Variants in SEH1L observed in about 807,000 individuals in gnomAD.
SEH1L encodes nucleoporin SEH1.
Under a neutral mutation model 49.5 loss-of-function variants are expected in SEH1L, and 18 were observed. The ratio of observed to expected loss-of-function variants is 0.36; its 90% CI spans 0.25 to 0.54. The LOEUF (loss-of-function observed/expected upper bound fraction) is 0.54. SEH1L is among the 20% of genes least tolerant of loss of function. The pLI is 0.87. For synonymous variants in SEH1L, 169 were observed against 178.1 expected (o/e 0.95, Z 0.41); for missense variants, 404 against 528.8 (o/e 0.76, Z 2.31).
rs748334053 is a variant in SEH1L, at chr18:12,951,814, G to T, written c.112-41G>T. 57 of 1,255,618 alleles carry T rather than the reference G, an allele frequency of 4.5e-5. No homozygotes were observed. The Middle Eastern group carries it at 1.3e-3, about 29-fold the overall frequency. 77.8% of individuals were successfully genotyped at this position (1,255,618 alleles called of 1,614,324 possible). A position where few individuals can be genotyped will look rare whatever the true frequency, so the allele number is the denominator to read the frequency against. On this transcript the variant is annotated intron_variant, in intron 1 of 8. Transcript: ENST00000399892. ...CTTATAGTTTTTGTATCAATTTGTA[G>T]GAATTTTTGTATAAAATATCTGCCT...
chr18:12,950,882 A>C (rs988799662), intron 1 of SEH1L, among the ~76,000 whole-genome samples: 1 of 151,552 alleles, frequency 6.6e-6, no homozygotes, highest in Non-Finnish European at 1.5e-5. Flanking sequence ...TGCAGTGGCT[A>C]TTCACGGGCG....
intron 4 of SEH1L, among the ~76,000 whole-genome samples, chr18:12,970,427 T>C (rs2031647879): frequency 6.6e-6 from 1 of 152,212 alleles, no homozygotes; most frequent in African/African-American, 2.4e-5. Context: ...TCTTCTTCTT[T>C]TCTTTTTTTC....
At chr18:12,958,515 T>G (rs370692887) in intron 3 of SEH1L, among the ~76,000 whole-genome samples, 1 of 152,180 alleles carries the variant, frequency 6.6e-6, no homozygotes, top group African/African-American at 2.4e-5. Context: ...TTTTAAAGAA[T>G]GCCTCCCCCT....
rs113690982 is a variant in SEH1L at position 12,987,292 on chromosome 18, G to T, written c.*235G>T. The T allele has an allele frequency of 3.0e-6, 1 of 332,064 alleles. No homozygotes were observed. Among genetic ancestry groups the T allele is most frequent in the Non-Finnish European group, 5.5e-6 (1 of 182,412 alleles). 20.6% of individuals were successfully genotyped at this position (332,064 alleles called of 1,614,324 possible). A position where few individuals can be genotyped will look rare whatever the true frequency, so the allele number is the denominator to read the frequency against. On this transcript the variant is annotated 3_prime_UTR_variant, in exon 9 of 9. Transcript: ENST00000399892. The stretch of plus-strand genomic sequence containing the variant: ...ATGAAATGAGATATGTCCAAGTAAC[G>T]TTAACTGTGAAGTTACACACAGTAG...
In SEH1L at chr18:12,980,939, C is replaced by T. The variant is rs1368108093; in HGVS notation, c.762-1579C>T. Among the ~76,000 whole-genome samples the T allele has an allele frequency of 4.0e-5, 6 of 150,790 alleles. No homozygotes were observed. The East Asian group carries it at 8.0e-4, about 20-fold the overall frequency. On this transcript the variant is annotated intron_variant, in intron 6 of 8. Transcript: ENST00000399892. ...CGGGGGGCTGACCCCCACCTCCCTC[C>T]CGGACGGGGTGGCTGCCGGGCGGAG...
chr18:12,956,423 G>T (rs377723866), intron 3 of SEH1L, among the ~76,000 whole-genome samples: 12 of 147,862 alleles, frequency 8.1e-5, no homozygotes, highest in African/African-American at 2.8e-4. Flanking sequence ...CATGTCACAC[G>T]CCATACAGAT....
intron 1 of SEH1L, chr18:12,948,481 A>G (rs923071486): frequency 2.6e-5 from 9 of 347,320 alleles, no homozygotes; most frequent in Admixed American, 1.5e-4. Context: ...CCCGCAGGGT[A>G]CGCCGGGCCC....
intron 1 of SEH1L, among the ~76,000 whole-genome samples, chr18:12,951,171 T>C (rs1022402809): frequency 2.0e-5 from 3 of 152,224 alleles, no homozygotes; most frequent in Non-Finnish European, 4.4e-5. Context: ...ACGTTTCCCA[T>C]TGAGGTGAAA....
intron 1 of SEH1L, among the ~76,000 whole-genome samples, chr18:12,950,096 C>T (rs893910958): frequency 1.3e-5 from 2 of 150,976 alleles, no homozygotes; most frequent in African/African-American, 2.4e-5. Flanking sequence ...TGCAGTGGTG[C>T]GATCTTGGCT....
chr18:12,948,233 G>GTGCGCGCGGCGCT lies in SEH1L; in HGVS notation c.111+6_111+18dup, dbSNP rs1162034156. 3.1e-6 allele frequency: 5 copies of GTGCGCGCGGCGCT among 1,610,894 alleles called. No individual in the cohort carries two copies. Among genetic ancestry groups the GTGCGCGCGGCGCT allele is most frequent in the Non-Finnish European group, 4.2e-6 (5 of 1,178,570 alleles). On this transcript the variant is annotated splice_donor_variant, in intron 1 of 8. Transcript: ENST00000399892. LOFTEE classifies it high-confidence loss of function. ...CTGCTCCAGCGATCAGAGCGTTAAGGTGCGCGCGGCGCTTGCGGGCGGGGC... is the reference window on the plus strand; with the variant it reads ...CTGCTCCAGCGATCAGAGCGTTAAGGTGCGCGCGGCGCTTGCGCGCGGCGCTTGCGGGCGGGGC...
intron 4 of SEH1L, among the ~76,000 whole-genome samples, chr18:12,965,213 C>T (rs902658636): frequency 1.3e-5 from 2 of 151,892 alleles, no homozygotes; most frequent in Non-Finnish European, 2.9e-5. Flanking sequence ...GGGGTTTCAC[C>T]GTATTAGCCA....
chr18:12,974,612 T>G (rs2031841201), intron 5 of SEH1L: 1 of 152,176 alleles, frequency 6.6e-6, no homozygotes, highest in Non-Finnish European at 1.5e-5. Context: ...CACCATTTAG[T>G]AGACAGGAGA....
At chr18:12,974,988 T>C (rs750446094) in intron 5 of SEH1L, among the ~76,000 whole-genome samples, 29 of 148,970 alleles carry the variant, frequency 1.9e-4, no homozygotes, top group Non-Finnish European at 3.7e-4. Context: ...ATTATTTTTA[T>C]TTTTATTTTA....
At chr18:12,955,991 C>T (rs1352711148) in intron 3 of SEH1L, among the ~76,000 whole-genome samples, 1 of 151,538 alleles carries the variant, frequency 6.6e-6, no homozygotes, top group Admixed American at 6.6e-5. Flanking sequence ...AGCCACTGTG[C>T]CTAACTCTAA....
intron 3 of SEH1L, among the ~76,000 whole-genome samples, chr18:12,961,615 T>C (rs2031181139): frequency 6.6e-6 from 1 of 152,226 alleles, no homozygotes; most frequent in Admixed American, 6.5e-5. Context: ...TGAGACTCTT[T>C]AAGAAGGATT....
chr18:12,948,490 C>A, intron 1 of SEH1L: 1 of 329,452 alleles, frequency 3.0e-6, no homozygotes. Context: ...TACGCCGGGC[C>A]CTCTCCCAGG....
rs563050535 is a variant in SEH1L, at chr18:12,956,280, G to A, written c.309+671G>A. Among the ~76,000 whole-genome samples, 7 of 151,842 alleles carry A rather than the reference G, an allele frequency of 4.6e-5. No homozygotes were observed. In the East Asian group the frequency reaches 1.2e-3, roughly 25 times the overall value. On this transcript the variant is annotated intron_variant, in intron 3 of 8. Coordinates refer to ENST00000399892, the MANE Select transcript of SEH1L (RefSeq NM_001013437.2). The stretch of plus-strand genomic sequence containing the variant: ...AGGATGGTCTCGATCTCCTGACCTC[G>A]TGATCTGCCTGTCGGCCTCCCAAAG...
At chr18:12,979,029 T>G (rs56263236) in intron 6 of SEH1L, 137 bp downstream of exon 6, 2 of 812,230 alleles carry the variant, frequency 2.5e-6, no homozygotes, top group South Asian at 1.9e-5. Context: ...ATGTAAACTT[T>G]GAAATGTTTT....
At chr18:12,981,469 A>AG (rs2032256682) in intron 6 of SEH1L, among the ~76,000 whole-genome samples, 1 of 152,228 alleles carries the variant, frequency 6.6e-6, no homozygotes, top group Admixed American at 6.5e-5. Flanking sequence ...CGGGAGGCCG[A>AG]GGCTGGCGGA....
Sources: gnomAD v4.1 joint callset for allele counts (sites outside exome capture counted in the v4.1 genomes callset) on GRCh38, gnomAD v4.1.1 for gene constraint, MANE v1.5 for transcripts, NCBI Gene and HGNC (gene_info 2026-07-23, HGNC 2026-07-21) for gene names.